KCND2: variants seen among roughly 807,000 people sequenced by gnomAD.
The protein encoded by KCND2 is potassium voltage-gated channel subfamily D member 2, also known as A-type voltage-gated potassium channel KCND2.
KCND2 carries 16 observed loss-of-function variants against 54.4 expected under a neutral mutation model. The observed-to-expected ratio is 0.29, with a 90% confidence interval of 0.20 to 0.45. KCND2 has a LOEUF of 0.45. KCND2 is among the 20% of genes least tolerant of loss of function. The probability of loss-of-function intolerance (pLI) is 1.00; values close to 1 mark genes in which losing one functional copy is unlikely to be tolerated. For missense variants in KCND2, 486 were observed against 824.2 expected, an observed-to-expected ratio of 0.59 and a Z score of 5.02; for synonymous variants, 317 against 310.7, an observed-to-expected ratio of 1.02 and a Z score of -0.21.
At chr7:120,363,313 A>C (rs759776605) in intron 1 of KCND2, among the ~76,000 whole-genome samples, 1 of 152,050 alleles carries the variant, frequency 6.6e-6, no homozygotes, top group Non-Finnish European at 1.5e-5. Context: ...ATATATATAT[A>C]TCTCCTTGGA....
intron 1 of KCND2, among the ~76,000 whole-genome samples, chr7:120,325,955 C>T (rs1799967887): frequency 6.6e-6 from 1 of 152,024 alleles, no homozygotes; most frequent in African/African-American, 2.4e-5. Context: ...ATTAGGTACA[C>T]TGGTTTTCAA....
In KCND2 at chr7:120,724,196, T is replaced by C. The variant is rs559195759; in HGVS notation, c.1116-8707T>C. Among the ~76,000 whole-genome samples the C allele has an allele frequency of 9.8e-5, 15 of 152,328 alleles. No individual in the cohort carries two copies. In the East Asian group the frequency reaches 2.9e-3, roughly 29 times the overall value. On this transcript the variant is annotated intron_variant, in intron 1 of 5. Coordinates refer to ENST00000331113, the MANE Select transcript of KCND2 (RefSeq NM_012281.3). Reference sequence around the variant, plus strand: ...TAGACCTGGGTTTATAACAATGACATGATCTTTGACCTCACTGAACTCATG... The same window carrying C: ...TAGACCTGGGTTTATAACAATGACACGATCTTTGACCTCACTGAACTCATG...
chr7:120,397,991 G>GTATATATATATATATATATATATA, intron 1 of KCND2, among the ~76,000 whole-genome samples: 1 of 37,836 alleles, frequency 2.6e-5, no homozygotes, highest in South Asian at 2.1e-3. Flanking sequence ...GTGTGTGTGT[G>GTATATATATATATATATATATATA]TGTGTATATA....
chr7:120,463,302 A>G (rs1348293132), intron 1 of KCND2, among the ~76,000 whole-genome samples: 3 of 151,952 alleles, frequency 2.0e-5, no homozygotes, highest in Non-Finnish European at 4.4e-5. Flanking sequence ...AGTAAATGCA[A>G]CTGATACCCT....
intron 1 of KCND2, among the ~76,000 whole-genome samples, chr7:120,336,249 G>A (rs1230933991): frequency 6.6e-6 from 1 of 152,170 alleles, no homozygotes; most frequent in African/African-American, 2.4e-5. Context: ...CCTTGGTTCT[G>A]TTAATAATTA....
At chr7:120,692,509 C>T (rs1383964571) in intron 1 of KCND2, among the ~76,000 whole-genome samples, 1 of 152,120 alleles carries the variant, frequency 6.6e-6, no homozygotes, top group Non-Finnish European at 1.5e-5. Context: ...GACCCAAATT[C>T]CTCAACCTTG....
At chr7:120,713,966 T>C (rs1276786438) in intron 1 of KCND2, among the ~76,000 whole-genome samples, 1 of 152,188 alleles carries the variant, frequency 6.6e-6, no homozygotes, top group Non-Finnish European at 1.5e-5. Flanking sequence ...GATAAACATT[T>C]TTCTCTTTGC....
At chr7:120,714,312 CA>C (rs11388378) in intron 1 of KCND2, among the ~76,000 whole-genome samples, 4 of 149,318 alleles carry the variant, frequency 2.7e-5, no homozygotes, top group Non-Finnish European at 4.5e-5. Flanking sequence ...TAAGTTTTGA[CA>C]AAAAAAAATA....
intron 1 of KCND2, among the ~76,000 whole-genome samples, chr7:120,688,245 A>T (rs1237859264): frequency 6.6e-6 from 1 of 152,188 alleles, no homozygotes; most frequent in Non-Finnish European, 1.5e-5. Flanking sequence ...TAAGTACCAT[A>T]TAGTAAATAT....
At chr7:120,646,962 C>T (rs1005060888) in intron 1 of KCND2, among the ~76,000 whole-genome samples, 7 of 152,108 alleles carry the variant, frequency 4.6e-5, no homozygotes, top group South Asian at 2.1e-4. Context: ...ATCCATTTTT[C>T]GGATATGCAG....
intron 1 of KCND2, among the ~76,000 whole-genome samples, chr7:120,447,119 G>A (rs542770529): frequency 5.9e-5 from 9 of 152,058 alleles, no homozygotes; most frequent in African/African-American, 2.2e-4. Flanking sequence ...GGATAAGCCA[G>A]TACTCAAACT....
intron 1 of KCND2, among the ~76,000 whole-genome samples, chr7:120,439,183 T>C (rs924680055): frequency 3.3e-5 from 5 of 152,030 alleles, no homozygotes; most frequent in African/African-American, 1.2e-4. Flanking sequence ...TATTATATGT[T>C]CCCTGTAAGA....
intron 1 of KCND2, among the ~76,000 whole-genome samples, chr7:120,338,700 A>G (rs1563014460): frequency 6.6e-6 from 1 of 152,114 alleles, no homozygotes; most frequent in Non-Finnish European, 1.5e-5. Flanking sequence ...TAGACATTTG[A>G]TATGTTTTTA....
At chr7:120,517,187 A>C (rs1278272777) in intron 1 of KCND2, among the ~76,000 whole-genome samples, 2 of 152,092 alleles carry the variant, frequency 1.3e-5, no homozygotes, top group Non-Finnish European at 2.9e-5. Context: ...ATTTGCACAC[A>C]ATTTTATAGT....
At chr7:120,301,637 G>A (rs1285547656) in intron 1 of KCND2, among the ~76,000 whole-genome samples, 1 of 151,986 alleles carries the variant, frequency 6.6e-6, no homozygotes, top group East Asian at 1.9e-4. Context: ...TTCTTTTGAG[G>A]AATAATATAT....
intron 1 of KCND2, among the ~76,000 whole-genome samples, chr7:120,297,745 C>G (rs909917347): frequency 6.6e-6 from 1 of 152,108 alleles, no homozygotes; most frequent in Non-Finnish European, 1.5e-5. Flanking sequence ...TGTGATTTCT[C>G]ATGAATTTTC....
intron 1 of KCND2, among the ~76,000 whole-genome samples, chr7:120,620,711 G>A (rs12334288): frequency 0.29 from 44,257 of 151,966 alleles, 8,143 homozygotes; most frequent in African/African-American, 0.51. Flanking sequence ...GGCAAGTAAA[G>A]ACCATGGTAT....
At chr7:120,327,428 T>A (rs1240290082) in intron 1 of KCND2, among the ~76,000 whole-genome samples, 2 of 152,076 alleles carry the variant, frequency 1.3e-5, no homozygotes, top group Non-Finnish European at 2.9e-5. Flanking sequence ...CCAGTTAACA[T>A]TTAGAATTCC....
At chr7:120,706,554 C>T (rs1482491900) in intron 1 of KCND2, among the ~76,000 whole-genome samples, 3 of 152,176 alleles carry the variant, frequency 2.0e-5, no homozygotes, top group Non-Finnish European at 4.4e-5. Flanking sequence ...TGGAACAGGT[C>T]TCATGGCTTA....
Sources: gnomAD v4.1 joint callset for allele counts (sites outside exome capture counted in the v4.1 genomes callset) on GRCh38, gnomAD v4.1.1 for gene constraint, MANE v1.5 for transcripts, NCBI Gene and HGNC (gene_info 2026-07-23, HGNC 2026-07-21) for gene names.